Variants in PTPRQ observed in about 807,000 individuals in gnomAD.
PTPRQ encodes the protein phosphatidylinositol phosphatase PTPRQ.
PTPRQ carries 199 observed loss-of-function variants against 246.0 expected under a neutral mutation model. The ratio of observed to expected loss-of-function variants is 0.81; its 90% confidence interval spans 0.72 to 0.91. PTPRQ has a LOEUF of 0.91. Among genes scored for constraint, PTPRQ ranks in the 40% least tolerant of loss-of-function variants. PTPRQ has a pLI of 0.00. For synonymous variants in PTPRQ, 869 were observed against 853.2 expected (o/e 1.02, Z -0.32); for missense variants, 2,624 against 2,528.4 (o/e 1.04, Z -0.81).
chr12:80,632,021 GC>G (rs1371192214), intron 33 of PTPRQ, among the ~76,000 whole-genome samples, 170 bp from the exon 34 acceptor site: 1 of 152,106 alleles, frequency 6.6e-6, no homozygotes, highest in Non-Finnish European at 1.5e-5. Flanking sequence ...CCGGGACTGA[GC>G]CCCAAAGTTA....
intron 17 of PTPRQ, among the ~76,000 whole-genome samples, chr12:80,516,407 A>G (rs150613696): frequency 5.8e-4 from 88 of 152,336 alleles, no homozygotes; most frequent in African/African-American, 2.0e-3. Flanking sequence ...AGTAGTAATT[A>G]TAAGAGGTAA....
intron 25 of PTPRQ, among the ~76,000 whole-genome samples, chr12:80,574,991 C>T (rs1490744485): frequency 1.3e-5 from 2 of 152,130 alleles, no homozygotes; most frequent in South Asian, 2.1e-4. Context: ...CCAATAGCTG[C>T]GTTTTTTTTC....
chr12:80,449,034 T>G (rs1262462755), intron 3 of PTPRQ, among the ~76,000 whole-genome samples: 1 of 151,746 alleles, frequency 6.6e-6, no homozygotes, highest in Non-Finnish European at 1.5e-5. Flanking sequence ...TCTCCAGCAC[T>G]TGTTCTTTCC....
At chr12:80,473,055 A>ACACACGCGCGCGCG (rs1555185254) in intron 8 of PTPRQ, among the ~76,000 whole-genome samples, 1 of 150,444 alleles carries the variant, frequency 6.6e-6, no homozygotes, top group African/African-American at 2.5e-5. Flanking sequence ...ACGCACACAC[A>ACACACGCGCGCGCG]CACACACACA....
intron 34 of PTPRQ, among the ~76,000 whole-genome samples, chr12:80,633,107 C>T (rs1899503909): frequency 3.9e-5 from 6 of 152,026 alleles, no homozygotes; most frequent in Admixed American, 3.9e-4. Flanking sequence ...GGTTCCAGCT[C>T]CAATATCAAA....
In PTPRQ at chr12:80,445,660, A is replaced by G; in HGVS notation, c.333A>G (p.Pro111=). The change falls in exon 3 of 45, where the codon CCA becomes CCG. Residue 111 remains proline, a synonymous_variant. Coordinates refer to ENST00000644991, the MANE Select transcript of PTPRQ (RefSeq NM_001145026.2). ...TATATACACAAGTCAGATCAAAGCC[A>G]GACAGTCTGGAAGTTCTTCTTACTA... is the stretch of plus-strand genomic sequence containing the variant. ...QTVYTQVRSK[P]DSLEVLLTNL... 11 of 1,550,206 alleles carry G rather than the reference A, an allele frequency of 7.1e-6. No homozygotes were observed. The highest frequency in any genetic ancestry group is 1.4e-5 in the African/African-American group (1 of 73,080).
chr12:80,582,933 G>T (rs184384845), intron 25 of PTPRQ, among the ~76,000 whole-genome samples: 1 of 152,300 alleles, frequency 6.6e-6, no homozygotes, highest in Non-Finnish European at 1.5e-5. Flanking sequence ...AAAGCTAAAA[G>T]TCATATATTT....
intron 42 of PTPRQ, 37 bp downstream of exon 42, chr12:80,670,529 G>A: frequency 1.4e-6 from 2 of 1,423,288 alleles, no homozygotes; most frequent in Non-Finnish European, 1.8e-6. Flanking sequence ...TGAACCCATT[G>A]GTCTTTTTAT....
chr12:80,628,345 C>T (rs1234124687), intron 33 of PTPRQ, among the ~76,000 whole-genome samples: 2 of 152,100 alleles, frequency 1.3e-5, no homozygotes, highest in African/African-American at 4.8e-5. Context: ...AGGATAGCCA[C>T]AGGAACTCTT....
intron 44 of PTPRQ, 100 bp from the exon 45 acceptor site, chr12:80,678,886 T>C (rs956234047): frequency 1.3e-5 from 19 of 1,454,460 alleles, no homozygotes. Flanking sequence ...GTTGGGCTAA[T>C]AATACCCTTT....
rs1189104727 is a variant in PTPRQ, at chr12:80,484,497, G to A, written c.1251G>A (p.Trp417Ter). The stretch of plus-strand genomic sequence containing the variant: ...AATCCACGCAAGTAAGAATTACTTG[G>A]AAGAAACCACGACAACCAAATGGAA... The part of the protein sequence containing the change: ...EVESTQVRIT[W>*]KKPRQPNGII... Residue 417 changes from tryptophan to a stop codon, truncating the protein, a stop_gained, in exon 9 of 45, where the codon TGG becomes TGA. Transcript: ENST00000644991. LOFTEE classifies it high-confidence loss of function. The A allele has an allele frequency of 7.7e-6, 12 of 1,551,020 alleles. No individual in the cohort carries two copies. The highest frequency in any genetic ancestry group is 2.7e-5 in the African/African-American group (2 of 72,914).
chr12:80,452,952 G>A (rs1892822575), intron 3 of PTPRQ, among the ~76,000 whole-genome samples: 2 of 152,210 alleles, frequency 1.3e-5, no homozygotes, highest in East Asian at 1.9e-4. Flanking sequence ...ATAATATCCT[G>A]CACAGTGTTT....
chr12:80,524,699 T>C (rs185877374), intron 17 of PTPRQ, among the ~76,000 whole-genome samples: 1 of 152,258 alleles, frequency 6.6e-6, no homozygotes, highest in Admixed American at 6.6e-5. Flanking sequence ...CAAATGTTTC[T>C]TACATATTTT....
intron 17 of PTPRQ, among the ~76,000 whole-genome samples, chr12:80,527,548 A>G (rs151118848): frequency 2.0e-4 from 31 of 152,268 alleles, no homozygotes; most frequent in Non-Finnish European, 4.1e-4. Context: ...TTCCATACTT[A>G]TAGAAGCTAA....
At chr12:80,540,052 C>T (rs926912489) in intron 20 of PTPRQ, 108 bp downstream of exon 20, 25 of 955,442 alleles carry the variant, frequency 2.6e-5, no homozygotes, top group African/African-American at 8.6e-5. Context: ...TATTTAGACA[C>T]GTTCATTATA....
chr12:80,612,620 T>C (rs1171394374), intron 28 of PTPRQ, among the ~76,000 whole-genome samples: 1 of 150,352 alleles, frequency 6.7e-6, no homozygotes, highest in African/African-American at 2.4e-5. Context: ...GGAAAATAAT[T>C]TTGCAGCCAC....
At chr12:80,678,222 AT>A (rs1901208023) in intron 43 of PTPRQ, among the ~76,000 whole-genome samples, 1 of 152,242 alleles carries the variant, frequency 6.6e-6, no homozygotes, top group East Asian at 1.9e-4. Flanking sequence ...TAAATTTAGC[AT>A]TTGTATTCCA....
At chr12:80,616,787 A>G (rs941549834) in intron 30 of PTPRQ, among the ~76,000 whole-genome samples, 4 of 151,206 alleles carry the variant, frequency 2.6e-5, no homozygotes, top group Non-Finnish European at 5.9e-5. Flanking sequence ...TAGAAAATAT[A>G]ACTAAAATTT....
At chr12:80,480,130 T>A (rs1328959135) in intron 8 of PTPRQ, among the ~76,000 whole-genome samples, 2 of 151,872 alleles carry the variant, frequency 1.3e-5, no homozygotes, top group South Asian at 2.1e-4. Context: ...GAAGTAAAGC[T>A]CTCCTCAGCA....
Sources: gnomAD v4.1 joint callset for allele counts (sites outside exome capture counted in the v4.1 genomes callset) on GRCh38, gnomAD v4.1.1 for gene constraint, MANE v1.5 for transcripts, NCBI Gene and HGNC (gene_info 2026-07-23, HGNC 2026-07-21) for gene names.